ST6GAL2: variants seen among roughly 807,000 people sequenced by gnomAD.
The protein encoded by ST6GAL2 is beta-galactoside alpha-2,6-sialyltransferase 2.
In ST6GAL2, 24 loss-of-function variants were observed where a neutral mutation model predicts 37.5. The ratio of observed to expected loss-of-function variants is 0.64; its 90% CI spans 0.46 to 0.90. ST6GAL2 has a LOEUF of 0.90. Ranked by LOEUF, ST6GAL2 falls within the 40% of genes least tolerant of loss-of-function variation. ST6GAL2 has a pLI of 0.00. For missense variants in ST6GAL2, 715 were observed against 712.7 expected (o/e 1.00, Z -0.04); for synonymous variants, 306 against 295.1 (o/e 1.04, Z -0.38).
chr2:106,813,152 G>A (rs751817171), intron 5 of ST6GAL2: 38 of 1,249,720 alleles, frequency 3.0e-5, no homozygotes, highest in African/African-American at 1.1e-4. Flanking sequence ...TCACTCTGTC[G>A]TCCAGGCTGG....
At chr2:106,835,724 G>T (rs541251872) in intron 2 of ST6GAL2, among the ~76,000 whole-genome samples, 1 of 152,278 alleles carries the variant, frequency 6.6e-6, no homozygotes, top group South Asian at 2.1e-4. Flanking sequence ...CAGAGACAGA[G>T]ATACAGTTCA....
chr2:106,840,122 A>G (rs1676815717), intron 2 of ST6GAL2, among the ~76,000 whole-genome samples: 1 of 152,216 alleles, frequency 6.6e-6, no homozygotes, highest in Admixed American at 6.5e-5. Flanking sequence ...TCCTGGCAGA[A>G]CATAGGTAGG....
intron 2 of ST6GAL2, among the ~76,000 whole-genome samples, chr2:106,841,420 T>C (rs530603302): frequency 1.3e-5 from 2 of 152,234 alleles, no homozygotes; most frequent in Admixed American, 6.5e-5. Flanking sequence ...CAGGACATGA[T>C]TGTTTTATAT....
intron 2 of ST6GAL2, 135 bp downstream of exon 2, chr2:106,842,900 G>A: frequency 1.8e-6 from 1 of 547,660 alleles, no homozygotes; most frequent in South Asian, 5.9e-5. Context: ...AGAATCTCCA[G>A]CTAATATTAG....
At chr2:106,823,464 CACACACACACACACACACACACAG>C (rs1480750761) in intron 5 of ST6GAL2, among the ~76,000 whole-genome samples, 3 of 115,468 alleles carry the variant, frequency 2.6e-5, no homozygotes, top group African/African-American at 9.0e-5. Flanking sequence ...CACACACACA[CACACACACACACACACACACACAG>C]AGAGAGAGAG....
chr2:106,811,159 A>G (rs992806779), intron 5 of ST6GAL2, among the ~76,000 whole-genome samples: 2 of 152,112 alleles, frequency 1.3e-5, no homozygotes, highest in South Asian at 2.1e-4. Flanking sequence ...ATTTGAGTTT[A>G]GATTCAGACT....
intron 5 of ST6GAL2, among the ~76,000 whole-genome samples, chr2:106,813,519 C>T (rs1446591805): frequency 6.6e-6 from 1 of 152,120 alleles, no homozygotes; most frequent in Non-Finnish European, 1.5e-5. Context: ...CTTTATACAT[C>T]TTTAATTGGC....
At chr2:106,842,570 T>G (rs2104513814) in intron 2 of ST6GAL2, among the ~76,000 whole-genome samples, 1 of 152,336 alleles carries the variant, frequency 6.6e-6, no homozygotes, top group East Asian at 1.9e-4. Context: ...ATTGGGCAGC[T>G]TCTGCTTTCT....
chr2:106,864,260 C>T (rs1443404260), intron 1 of ST6GAL2, among the ~76,000 whole-genome samples: 2 of 152,192 alleles, frequency 1.3e-5, no homozygotes, highest in African/African-American at 2.4e-5. Flanking sequence ...CAGACACACA[C>T]CTGCAAGCCT....
chr2:106,853,368 G>A (rs778415261), intron 1 of ST6GAL2, among the ~76,000 whole-genome samples: 3 of 152,208 alleles, frequency 2.0e-5, no homozygotes, highest in African/African-American at 7.2e-5. Context: ...ACAGGTGTTA[G>A]GCCCATGGTT....
At chr2:106,884,757 G>A (rs776129830) in intron 1 of ST6GAL2, among the ~76,000 whole-genome samples, 12 of 151,654 alleles carry the variant, frequency 7.9e-5, no homozygotes, top group Non-Finnish European at 1.8e-4. Flanking sequence ...TTCTTTTAAT[G>A]CATTAGTACA....
intron 1 of ST6GAL2, among the ~76,000 whole-genome samples, chr2:106,876,986 G>GA (rs1345394073): frequency 1.5e-4 from 22 of 150,970 alleles, no homozygotes; most frequent in South Asian, 8.4e-4. Flanking sequence ...TCTATTTAGA[G>GA]GAAAAAAAAG....
chr2:106,874,463 A>G (rs367963932), intron 1 of ST6GAL2, among the ~76,000 whole-genome samples: 1 of 152,146 alleles, frequency 6.6e-6, no homozygotes, highest in East Asian at 1.9e-4. Context: ...TAAAAATGGC[A>G]GTGTTCGGTA....
At chr2:106,828,685 T>C (rs988974288) in intron 5 of ST6GAL2, among the ~76,000 whole-genome samples, 5 of 152,140 alleles carry the variant, frequency 3.3e-5, no homozygotes, top group African/African-American at 7.2e-5. Context: ...GGAACTACTG[T>C]GCAGCCCAAG....
Position 106,803,276 on chromosome 2 carries a change from A to AGGACC in ST6GAL2, c.*3401_*3402insGGTCC. On this transcript the variant is annotated 3_prime_UTR_variant, in exon 6 of 6. Coordinates refer to ENST00000409382, the MANE Select transcript of ST6GAL2 (RefSeq NM_001142351.2). ...AGACCAAGAGGACCAGACACATGGG[A>AGGACC]AGTGCTGTTTCTCGAAGCTCTGCCT... 1 of 152,154 alleles carries AGGACC rather than the reference A, an allele frequency of 6.6e-6. No individual in the cohort carries two copies. Among genetic ancestry groups the AGGACC allele is most frequent in the Non-Finnish European group, 1.5e-5 (1 of 68,042 alleles). The allele number at this position is 152,154 out of a possible 1,614,324, so 9.4% of individuals were successfully genotyped here.
intron 1 of ST6GAL2, among the ~76,000 whole-genome samples, chr2:106,853,040 C>T (rs187379435): frequency 3.6e-4 from 55 of 152,256 alleles, no homozygotes; most frequent in African/African-American, 1.3e-3. Flanking sequence ...CTTTTTTTCA[C>T]TAGAACACGA....
chr2:106,812,567 C>T (rs949387914), intron 5 of ST6GAL2, among the ~76,000 whole-genome samples: 20 of 152,156 alleles, frequency 1.3e-4, no homozygotes, highest in African/African-American at 4.3e-4. Flanking sequence ...GGGGTGGGAA[C>T]CTTCCCAAAA....
chr2:106,832,135 A>G (rs1676448291), intron 4 of ST6GAL2, among the ~76,000 whole-genome samples: 1 of 152,250 alleles, frequency 6.6e-6, no homozygotes, highest in African/African-American at 2.4e-5. Flanking sequence ...AACAGGCCCC[A>G]TTTAAATAAA....
At chr2:106,825,840 C>T (rs1056588442) in intron 5 of ST6GAL2, among the ~76,000 whole-genome samples, 1 of 152,220 alleles carries the variant, frequency 6.6e-6, no homozygotes, top group Admixed American at 6.5e-5. Flanking sequence ...AGTCCTGTGT[C>T]TGGCACACAG....
Sources: allele counts gnomAD v4.1 joint callset (sites outside exome capture counted in the v4.1 genomes callset), GRCh38; gene constraint gnomAD v4.1.1; transcripts MANE v1.5; gene names NCBI Gene and HGNC (gene_info 2026-07-23, HGNC 2026-07-21).